ZNF90: variants seen among roughly 807,000 people sequenced by gnomAD.
The protein encoded by ZNF90 is zinc finger protein 90.
A neutral mutation model predicts 12.0 loss-of-function variants in ZNF90; 11 were observed. The observed-to-expected ratio is 0.92, with a 90% CI of 0.58 to 1.52. The LOEUF is 1.52. Among genes scored for constraint, ZNF90 ranks in the 40% most tolerant of loss-of-function variants. ZNF90 has a pLI of 0.00. For synonymous variants in ZNF90, 232 were observed against 240.1 expected (o/e 0.97, Z 0.31); for missense variants, 765 against 711.5 (o/e 1.08, Z -0.86).
rs2089178126 is a variant in ZNF90, at chr19:20,119,538, C to G, written c.*178C>G. ...TGACAAATCATTTTAAGGAAGTTCTCAACCCTTACTACACATAATTCATAC... is the reference window on the plus strand; with the variant it reads ...TGACAAATCATTTTAAGGAAGTTCTGAACCCTTACTACACATAATTCATAC... On this transcript the variant is annotated 3_prime_UTR_variant, in exon 4 of 4. Coordinates refer to ENST00000418063, the MANE Select transcript of ZNF90 (RefSeq NM_007138.2). The G allele has an allele frequency of 3.2e-6, 2 of 624,236 alleles. No homozygotes were observed. The highest frequency in any genetic ancestry group is 1.8e-5 in the African/African-American group (1 of 54,242). The allele number at this position is 624,236 out of a possible 1,614,324, so 38.7% of individuals were successfully genotyped here.
At position 20,119,932 on chromosome 19, in the gene ZNF90, G is replaced by A. The variant is rs2089181777; in HGVS notation, c.*572G>A. Among the ~76,000 whole-genome samples the A allele has an allele frequency of 6.6e-6, 1 of 152,158 alleles. No homozygotes were observed. Among genetic ancestry groups the A allele is most frequent in the Non-Finnish European group, 1.5e-5 (1 of 68,022 alleles). On this transcript the variant is annotated 3_prime_UTR_variant, in exon 4 of 4. Transcript: ENST00000418063. ...CATGGTGATAATTCATGCTGAAGAG[G>A]AACTTTACAAACTTGAAAGATGTGA...
Position 20,119,485 on chromosome 19 carries a change from AAC to A in ZNF90, c.*127_*128del. 1 of 801,204 alleles carries A rather than the reference AAC, an allele frequency of 1.2e-6. No homozygotes were observed. The highest frequency in any genetic ancestry group is 2.7e-5 in the East Asian group (1 of 37,300). 49.6% of individuals were successfully genotyped at this position (801,204 alleles called of 1,614,324 possible). ...TTACTAAATATGAGAATTTATATGAAACATAACTCCTACAAAAATAAAGAATG... is the reference window on the plus strand; with the variant it reads ...TTACTAAATATGAGAATTTATATGAAATAACTCCTACAAAAATAAAGAATG... On this transcript the variant is annotated 3_prime_UTR_variant, in exon 4 of 4. Coordinates refer to ENST00000418063, the MANE Select transcript of ZNF90 (RefSeq NM_007138.2).
chr19:20,081,734 C>T (rs1214804014), intron 1 of ZNF90, among the ~76,000 whole-genome samples: 1 of 152,034 alleles, frequency 6.6e-6, no homozygotes, highest in Non-Finnish European at 1.5e-5. Context: ...GTCTTTCCCA[C>T]ACAGGGATTT....
chr19:20,083,396 C>T (rs1474017393), intron 1 of ZNF90, among the ~76,000 whole-genome samples: 2 of 151,870 alleles, frequency 1.3e-5, no homozygotes, highest in African/African-American at 2.4e-5. Flanking sequence ...GTTGCGATCT[C>T]GGCTCATTGC....
At chr19:20,092,832 G>A (rs1555702868) in intron 1 of ZNF90, among the ~76,000 whole-genome samples, 4 of 152,166 alleles carry the variant, frequency 2.6e-5, no homozygotes, top group African/African-American at 9.7e-5. Context: ...AAACACTGAA[G>A]GAGCAGAAGT....
Sources: allele counts gnomAD v4.1 joint callset (sites outside exome capture counted in the v4.1 genomes callset), GRCh38; gene constraint gnomAD v4.1.1; transcripts MANE v1.5; gene names NCBI Gene and HGNC (gene_info 2026-07-23, HGNC 2026-07-21).